The following RABL3 variants were observed in gnomAD, a reference collection of about 807,000 sequenced individuals.
RABL3 encodes rab-like protein 3.
In RABL3, 31 loss-of-function variants were observed where a neutral mutation model predicts 31.8. That is an observed-to-expected ratio of 0.97 (90% CI 0.73 to 1.31). The LOEUF is 1.31. RABL3 is among the 40% of genes most tolerant of loss of function. The pLI, the probability that RABL3 is intolerant of heterozygous loss-of-function variation, is 0.00. For synonymous variants in RABL3, 97 were observed against 99.9 expected (o/e 0.97, Z 0.18); for missense variants, 263 against 279.6 (o/e 0.94, Z 0.42).
Position 120,689,654 on chromosome 3 carries a change from G to C in RABL3, c.*169C>G, listed in dbSNP as rs183358442. 296 of 555,648 alleles carry C rather than the reference G, an allele frequency of 5.3e-4. 2 individuals carry two copies. The highest frequency in any genetic ancestry group is 4.7e-3 in the African/African-American group (250 of 53,540). The allele number at this position is 555,648 out of a possible 1,614,324, so 34.4% of individuals were successfully genotyped here. A position where few individuals can be genotyped will look rare whatever the true frequency, so the allele number is the denominator to read the frequency against. ...ACACAGAGAACAGGGACAAAGTTTG[G>C]ACCTCCCGTATTGTCACTTCCTTTC... is the stretch of plus-strand genomic sequence containing the variant. On this transcript the variant is annotated 3_prime_UTR_variant, in exon 8 of 8. Transcript: ENST00000273375.
chr3:120,711,355 T>A (rs1439009692), intron 2 of RABL3, among the ~76,000 whole-genome samples: 1 of 152,202 alleles, frequency 6.6e-6, no homozygotes, highest in African/African-American at 2.4e-5. Context: ...TCTTTGACTT[T>A]AAAAAAATAT....
At chr3:120,700,187 T>C (rs1295179069) in intron 4 of RABL3, among the ~76,000 whole-genome samples, 1 of 152,150 alleles carries the variant, frequency 6.6e-6, no homozygotes, top group Non-Finnish European at 1.5e-5. Flanking sequence ...TGAAGAACTT[T>C]ATCATGGATG....
At chr3:120,737,658 C>T (rs1348359849) in intron 1 of RABL3, among the ~76,000 whole-genome samples, 1 of 152,182 alleles carries the variant, frequency 6.6e-6, no homozygotes, top group African/African-American at 2.4e-5. Context: ...GTGGTTTTAT[C>T]TACCTTTGGT....
At chr3:120,722,398 A>T (rs114488625) in intron 2 of RABL3, 2 of 152,218 alleles carry the variant, frequency 1.3e-5, no homozygotes, top group Admixed American at 1.3e-4. Flanking sequence ...ACAAGATATT[A>T]GAAAAATTAT....
In RABL3 at chr3:120,722,229, T is replaced by C. The variant is rs1353941668; in HGVS notation, c.138+8467A>G. The C allele has an allele frequency of 4.6e-5, 7 of 152,146 alleles. No homozygotes were observed. The East Asian group carries it at 1.4e-3, about 29-fold the overall frequency. 9.4% of individuals were successfully genotyped at this position (152,146 alleles called of 1,614,324 possible). A position where few individuals can be genotyped will look rare whatever the true frequency, so the allele number is the denominator to read the frequency against. On this transcript the variant is annotated intron_variant, in intron 2 of 7. Transcript: ENST00000273375. The stretch of plus-strand genomic sequence containing the variant: ...GCTTCAAAATGGAAAGTTCTAATAA[T>C]TGAACAACCTTCCACTAACTTAGAG...
intron 1 of RABL3, among the ~76,000 whole-genome samples, chr3:120,742,062 T>C (rs1054117620): frequency 4.1e-4 from 62 of 152,266 alleles, no homozygotes; most frequent in African/African-American, 1.4e-3. Flanking sequence ...TCAGTGCACG[T>C]TTGACTTCCT....
chr3:120,739,135 T>C (rs1001578376), intron 1 of RABL3, among the ~76,000 whole-genome samples: 7 of 152,130 alleles, frequency 4.6e-5, no homozygotes, highest in Admixed American at 3.3e-4. Context: ...TCCCAGCACT[T>C]TGGGAGGCTG....
chr3:120,702,592 CTG>C (rs1194764470), intron 4 of RABL3, among the ~76,000 whole-genome samples: 3 of 150,704 alleles, frequency 2.0e-5, no homozygotes, highest in Non-Finnish European at 4.4e-5. Context: ...GAGTCTCACT[CTG>C]TTGCCCAAGC....
At chr3:120,735,485 CA>C (rs1286602621) in intron 1 of RABL3, among the ~76,000 whole-genome samples, 1 of 151,916 alleles carries the variant, frequency 6.6e-6, no homozygotes, top group African/African-American at 2.4e-5. Context: ...TTGATCTTTT[CA>C]AAAAACCAGC....
chr3:120,725,154 C>T (rs1708802122), intron 2 of RABL3, among the ~76,000 whole-genome samples: 2 of 152,262 alleles, frequency 1.3e-5, no homozygotes, highest in Admixed American at 6.5e-5. Context: ...ACAGACACTT[C>T]TCAAAAGAAG....
At chr3:120,707,698 T>C (rs1322168655) in intron 3 of RABL3, among the ~76,000 whole-genome samples, 1 of 152,004 alleles carries the variant, frequency 6.6e-6, no homozygotes, top group Non-Finnish European at 1.5e-5. Context: ...AAACTATGGG[T>C]GAGAATTTTG....
chr3:120,694,601 C>A (rs1461331415), intron 5 of RABL3, among the ~76,000 whole-genome samples: 3 of 152,040 alleles, frequency 2.0e-5, no homozygotes, highest in Non-Finnish European at 2.9e-5. Flanking sequence ...AAGCATTTCA[C>A]TTTTAGTACT....
intron 1 of RABL3, among the ~76,000 whole-genome samples, chr3:120,741,445 C>G (rs1709041691): frequency 6.6e-6 from 1 of 152,232 alleles, no homozygotes; most frequent in Admixed American, 6.5e-5. Flanking sequence ...CTCTCCACCT[C>G]CAAGCATCTA....
chr3:120,737,765 T>C (rs906326549), intron 1 of RABL3, among the ~76,000 whole-genome samples: 3 of 152,238 alleles, frequency 2.0e-5, no homozygotes, highest in Non-Finnish European at 4.4e-5. Context: ...GCTGCAGGTC[T>C]GTTGGATTTT....
At chr3:120,730,675 T>G in intron 2 of RABL3, 21 bp downstream of exon 2, 1 of 1,550,996 alleles carries the variant, frequency 6.4e-7, no homozygotes, top group Non-Finnish European at 8.9e-7. Flanking sequence ...ATTGAAAAAC[T>G]AAAATATAAA....
chr3:120,697,902 G>A (rs934412190), intron 5 of RABL3, among the ~76,000 whole-genome samples: 1 of 151,848 alleles, frequency 6.6e-6, no homozygotes, highest in Non-Finnish European at 1.5e-5. Context: ...GCAGTGGCTC[G>A]CGCCTGTAAT....
chr3:120,732,127 T>C (rs551973335), intron 1 of RABL3, among the ~76,000 whole-genome samples: 4 of 152,208 alleles, frequency 2.6e-5, no homozygotes, highest in Non-Finnish European at 5.9e-5. Context: ...AAAGTTTTTC[T>C]ATGAGCAGGT....
chr3:120,720,085 G>A (rs1051774584), intron 2 of RABL3, among the ~76,000 whole-genome samples: 2 of 152,184 alleles, frequency 1.3e-5, no homozygotes, highest in African/African-American at 4.8e-5. Context: ...GGTCTGGAGC[G>A]GACCTCCAGC....
At chr3:120,716,355 A>C (rs1033993215) in intron 2 of RABL3, among the ~76,000 whole-genome samples, 1 of 152,256 alleles carries the variant, frequency 6.6e-6, no homozygotes, top group South Asian at 2.1e-4. Context: ...TTTTCAATTC[A>C]GTTATGAACA....
Sources: gnomAD v4.1 joint callset for allele counts (sites outside exome capture counted in the v4.1 genomes callset) on GRCh38, gnomAD v4.1.1 for gene constraint, MANE v1.5 for transcripts, NCBI Gene and HGNC (gene_info 2026-07-23, HGNC 2026-07-21) for gene names.